CHST8: variants seen among roughly 807,000 people sequenced by gnomAD.
CHST8 encodes the protein carbohydrate sulfotransferase 8.
CHST8 carries 10 observed loss-of-function variants against 15.0 expected under a neutral mutation model. That is an observed-to-expected ratio of 0.67 (90% CI 0.41 to 1.13). CHST8 has a LOEUF of 1.13. Ranked by LOEUF, CHST8 falls within the 50% of genes most tolerant of loss-of-function variation. The probability of loss-of-function intolerance (pLI) is 0.00; values close to 1 mark genes in which losing one functional copy is unlikely to be tolerated. For synonymous variants in CHST8, 259 were observed against 256.6 expected, an observed-to-expected ratio of 1.01 and a Z score of -0.09; for missense variants, 634 against 608.2, an observed-to-expected ratio of 1.04 and a Z score of -0.45.
intron 3 of CHST8, among the ~76,000 whole-genome samples, chr19:33,699,201 G>A (rs931660296): frequency 1.4e-4 from 21 of 152,210 alleles, no homozygotes; most frequent in African/African-American, 4.8e-4. Flanking sequence ...TGCAAGCCCA[G>A]CCGCTTAGCT....
intron 3 of CHST8, among the ~76,000 whole-genome samples, chr19:33,701,404 G>A (rs563607919): frequency 1.3e-4 from 20 of 152,184 alleles, no homozygotes; most frequent in Middle Eastern, 6.8e-3. Flanking sequence ...AGTAATAACA[G>A]GAATCACCTA....
At chr19:33,645,043 A>G (rs904546765) in intron 1 of CHST8, among the ~76,000 whole-genome samples, 3 of 152,178 alleles carry the variant, frequency 2.0e-5, no homozygotes, top group African/African-American at 7.2e-5. Context: ...CAGCCCAGGG[A>G]CACTGCTAAA....
chr19:33,679,050 A>C (rs1050626767), intron 2 of CHST8, among the ~76,000 whole-genome samples: 1 of 152,166 alleles, frequency 6.6e-6, no homozygotes, highest in Non-Finnish European at 1.5e-5. Context: ...AGGGAGAGAG[A>C]TTCCCTGGAA....
intron 3 of CHST8, among the ~76,000 whole-genome samples, chr19:33,755,652 C>T (rs929537011): frequency 6.6e-6 from 1 of 152,234 alleles, no homozygotes; most frequent in Non-Finnish European, 1.5e-5. Flanking sequence ...GCCCAAAACA[C>T]ATGCCCGGTG....
At chr19:33,765,513 T>TTGTGTGTGTGTG (rs61673440) in intron 3 of CHST8, among the ~76,000 whole-genome samples, 60 of 131,702 alleles carry the variant, frequency 4.6e-4, no homozygotes, top group East Asian at 9.3e-4. Context: ...ATGCCAGTCT[T>TTGTGTGTGTGTG]TGTGTGTGTG....
intron 1 of CHST8, among the ~76,000 whole-genome samples, chr19:33,635,099 C>T (rs1355985609): frequency 2.6e-5 from 4 of 152,142 alleles, no homozygotes; most frequent in African/African-American, 4.8e-5. Context: ...CCTGATCCCC[C>T]GAAAAGAACA....
chr19:33,694,505 A>G lies in CHST8; in HGVS notation c.130+5114A>G, dbSNP rs552844810. On this transcript the variant is annotated intron_variant, in intron 3 of 4. Coordinates refer to ENST00000650847, the MANE Select transcript of CHST8 (RefSeq NM_001127895.2). Reference sequence around the variant, plus strand: ...GTGGCCTGTCTTGGGGCACTCCTGCAGGGCATGGGGAAATTTAACGATGAA... The same window carrying G: ...GTGGCCTGTCTTGGGGCACTCCTGCGGGGCATGGGGAAATTTAACGATGAA... Among the ~76,000 whole-genome samples the G allele has an allele frequency of 3.3e-5, 5 of 152,108 alleles. No individual in the cohort carries two copies. In the South Asian group the frequency reaches 1.0e-3, roughly 32 times the overall value.
intron 3 of CHST8, among the ~76,000 whole-genome samples, chr19:33,746,368 G>A (rs191393122): frequency 4.6e-5 from 7 of 151,944 alleles, no homozygotes; most frequent in East Asian, 1.9e-4. Flanking sequence ...CACCGCCCCC[G>A]GCAACCACTG....
At position 33,626,153 on chromosome 19, in the gene CHST8, T is replaced by G. The variant is rs1320697260; in HGVS notation, c.-164+3857T>G. On this transcript the variant is annotated intron_variant, in intron 1 of 4. Coordinates refer to ENST00000650847, the MANE Select transcript of CHST8 (RefSeq NM_001127895.2). ...ATCTCATTTCTTATCAGCTGGAGGA[T>G]GTGTGACCCTGTGGTCAGTAAATCA... 5.3e-5 allele frequency among the ~76,000 whole-genome samples: 8 copies of G among 152,136 alleles called. 1 individual carries two copies. The East Asian group carries it at 9.7e-4, about 18-fold the overall frequency.
chr19:33,716,166 G>A (rs1313194872), intron 3 of CHST8, among the ~76,000 whole-genome samples: 3 of 152,122 alleles, frequency 2.0e-5, no homozygotes, highest in African/African-American at 4.8e-5. Context: ...TGCACCATTA[G>A]TTTATTTAGC....
intron 3 of CHST8, among the ~76,000 whole-genome samples, chr19:33,751,513 G>A (rs149537431): frequency 1.3e-5 from 2 of 152,206 alleles, no homozygotes; most frequent in African/African-American, 2.4e-5. Context: ...ACCCAGTGTG[G>A]GCAGCCCAAG....
At chr19:33,704,908 TAA>T (rs553461502) in intron 3 of CHST8, among the ~76,000 whole-genome samples, 11,013 of 127,170 alleles carry the variant, frequency 0.087, 523 homozygotes, top group African/African-American at 0.15. Flanking sequence ...GATGCTGTCT[TAA>T]AAAAAAAAAA....
intron 3 of CHST8, among the ~76,000 whole-genome samples, chr19:33,754,934 G>A (rs1448164061): frequency 3.9e-5 from 6 of 152,220 alleles, no homozygotes; most frequent in Non-Finnish European, 1.5e-5. Flanking sequence ...AGTGAGAGAT[G>A]CCGGCTCAGG....
Position 33,756,836 on chromosome 19 carries a change from C to T in CHST8, c.131-14577C>T, listed in dbSNP as rs1044570287. On this transcript the variant is annotated intron_variant, in intron 3 of 4. Coordinates refer to ENST00000650847, the MANE Select transcript of CHST8 (RefSeq NM_001127895.2). ...AACATGCAACCCTCAGGAGTCTCTC[C>T]GCCCTCCCCACTTTCCCCAACCCTG... 3.3e-5 allele frequency among the ~76,000 whole-genome samples: 5 copies of T among 152,346 alleles called. 1 individual carries two copies. The highest frequency in any genetic ancestry group is 4.1e-4 in the South Asian group (2 of 4,830).
At chr19:33,642,416 G>A (rs1281059909) in intron 1 of CHST8, among the ~76,000 whole-genome samples, 7 of 151,904 alleles carry the variant, frequency 4.6e-5, no homozygotes, top group African/African-American at 7.3e-5. Context: ...AGGCTGGAGC[G>A]CAGTGGCACG....
chr19:33,665,629 T>C (rs1972647116), intron 1 of CHST8, among the ~76,000 whole-genome samples: 1 of 151,446 alleles, frequency 6.6e-6, no homozygotes, highest in Admixed American at 6.6e-5. Context: ...TTGAGTATCT[T>C]CAAAACTGAA....
intron 1 of CHST8, among the ~76,000 whole-genome samples, chr19:33,633,774 CGTGTGTGTGTGTGTGTGTGTGT>C (rs55655047): frequency 4.3e-5 from 6 of 141,170 alleles, no homozygotes; most frequent in African/African-American, 1.6e-4. Context: ...TTTTCTTTTT[CGTGTGTGTGTGTGTGTGTGTGT>C]GTGTGTGTGT....
At chr19:33,753,445 CA>C (rs1974462571) in intron 3 of CHST8, among the ~76,000 whole-genome samples, 1 of 25,078 alleles carries the variant, frequency 4.0e-5, no homozygotes. Flanking sequence ...TCCATCCTCC[CA>C]CCACCCACCC....
intron 3 of CHST8, among the ~76,000 whole-genome samples, chr19:33,769,460 A>C (rs969345396): frequency 6.6e-6 from 1 of 152,182 alleles, no homozygotes; most frequent in Non-Finnish European, 1.5e-5. Flanking sequence ...AAAATAATTA[A>C]GGAAATCTGG....
Sources: gnomAD v4.1 joint callset for allele counts (sites outside exome capture counted in the v4.1 genomes callset) on GRCh38, gnomAD v4.1.1 for gene constraint, MANE v1.5 for transcripts, NCBI Gene and HGNC (gene_info 2026-07-23, HGNC 2026-07-21) for gene names.